The following NOL4 variants were observed in gnomAD, a reference collection of about 807,000 sequenced individuals.
The protein encoded by NOL4 is cancer/testis antigen 125.
A neutral mutation model predicts 75.9 loss-of-function variants in NOL4; 17 were observed. That is an observed-to-expected ratio of 0.22 (90% CI 0.15 to 0.34). The LOEUF (loss-of-function observed/expected upper bound fraction) is 0.34, where lower values mean the gene tolerates loss of function less well. Ranked by LOEUF, NOL4 falls within the 10% of genes least tolerant of loss-of-function variation. The probability of loss-of-function intolerance (pLI) is 1.00; values close to 1 mark genes in which losing one functional copy is unlikely to be tolerated. For synonymous variants in NOL4, 292 were observed against 289.9 expected (o/e 1.01, Z -0.07); for missense variants, 614 against 793.5 (o/e 0.77, Z 2.72).
intron 10 of NOL4, among the ~76,000 whole-genome samples, chr18:33,873,175 C>A (rs2063778221): frequency 6.6e-6 from 1 of 151,984 alleles, no homozygotes; most frequent in Non-Finnish European, 1.5e-5. Flanking sequence ...TGGGGGATTG[C>A]TTAGCTTCTG....
At chr18:34,039,456 C>A (rs1324220291) in intron 5 of NOL4, among the ~76,000 whole-genome samples, 1 of 151,988 alleles carries the variant, frequency 6.6e-6, no homozygotes, top group Non-Finnish European at 1.5e-5. Flanking sequence ...CACATTTCAG[C>A]TCTGCAGACA....
intron 8 of NOL4, among the ~76,000 whole-genome samples, chr18:33,951,694 T>G (rs1383231075): frequency 2.0e-5 from 3 of 152,292 alleles, no homozygotes; most frequent in Non-Finnish European, 4.4e-5. Context: ...GTGTTCCAGT[T>G]TACTTTCTCC....
intron 10 of NOL4, among the ~76,000 whole-genome samples, chr18:33,868,100 T>C (rs1347319251): frequency 6.6e-6 from 1 of 151,606 alleles, no homozygotes; most frequent in Non-Finnish European, 1.5e-5. Context: ...TGGAGTGACA[T>C]GATCATGACT....
At chr18:34,216,157 C>T (rs75836840) in intron 1 of NOL4, among the ~76,000 whole-genome samples, 6,359 of 152,138 alleles carry the variant, frequency 0.042, 426 homozygotes, top group African/African-American at 0.14. Context: ...AACAGGGGCA[C>T]AGTTACGCAG....
intron 9 of NOL4, among the ~76,000 whole-genome samples, chr18:33,914,114 TA>T (rs2066570391): frequency 6.6e-6 from 1 of 151,798 alleles, no homozygotes; most frequent in Non-Finnish European, 1.5e-5. Flanking sequence ...CAAAAAGAAA[TA>T]AAAAGCATGA....
chr18:34,093,708 T>A, intron 4 of NOL4, 111 bp from the exon 5 acceptor site: 1 of 799,502 alleles, frequency 1.3e-6, no homozygotes, highest in Non-Finnish European at 1.8e-6. Flanking sequence ...TTTTACAGAA[T>A]TCAGAAAAAT....
intron 1 of NOL4, among the ~76,000 whole-genome samples, chr18:34,150,620 A>T (rs967035551): frequency 1.3e-5 from 2 of 151,768 alleles, no homozygotes; most frequent in Non-Finnish European, 3.0e-5. Flanking sequence ...AAATACAAAA[A>T]ATATATACAA....
chr18:34,209,715 G>T lies in NOL4; in HGVS notation c.264+13275C>A, dbSNP rs376074679. Among the ~76,000 whole-genome samples the T allele has an allele frequency of 3.1e-4, 47 of 152,280 alleles. 1 individual carries two copies. In the South Asian group the frequency reaches 9.7e-3, roughly 32 times the overall value. Reference sequence around the variant, plus strand: ...ATTACTTAATTTATACTGAGAAATAGAACTGCTAAATAGTGCCATCATTGG... The same window carrying T: ...ATTACTTAATTTATACTGAGAAATATAACTGCTAAATAGTGCCATCATTGG... On this transcript the variant is annotated intron_variant, in intron 1 of 10. Transcript: ENST00000261592.
chr18:33,935,438 G>A (rs1035143741), intron 9 of NOL4, among the ~76,000 whole-genome samples: 1 of 152,110 alleles, frequency 6.6e-6, no homozygotes, highest in African/African-American at 2.4e-5. Flanking sequence ...GAGAGAGACA[G>A]GGTGATGGCT....
chr18:33,925,398 C>T (rs1231786570), intron 9 of NOL4, among the ~76,000 whole-genome samples: 2 of 152,062 alleles, frequency 1.3e-5, no homozygotes, highest in Non-Finnish European at 2.9e-5. Context: ...AGCTCAAATG[C>T]AGGATTCTGT....
intron 6 of NOL4, among the ~76,000 whole-genome samples, chr18:34,008,168 T>C (rs1170380650): frequency 6.6e-6 from 1 of 152,072 alleles, no homozygotes; most frequent in Non-Finnish European, 1.5e-5. Flanking sequence ...CCCTCAGATG[T>C]TGGCACTCTT....
rs1378853250 is a variant in NOL4, at chr18:33,883,391, G to T, written c.1576C>A (p.Pro526Thr). The change falls in exon 10 of 11, where the codon CCA (proline) becomes ACA (threonine). Residue 526 changes from proline to threonine, a missense_variant. By Grantham distance (38) the Pro-to-Thr change is conservative (BLOSUM62 -1). Transcript: ENST00000261592. ...GAGTAAGTGGCCTGGGTCGCCTCTG[G>T]TTTACACTGTTTGTCAGCTGGAGCA... ...ESAPADKQCKPEATQATYSTS... is the reference protein window; with the variant it reads ...ESAPADKQCKTEATQATYSTS... The T allele has an allele frequency of 2.5e-6, 4 of 1,610,722 alleles. No individual in the cohort carries two copies. Among genetic ancestry groups the T allele is most frequent in the Non-Finnish European group, 3.4e-6 (4 of 1,178,876 alleles).
intron 5 of NOL4, among the ~76,000 whole-genome samples, chr18:34,023,166 T>C (rs1270036662): frequency 1.3e-5 from 2 of 152,188 alleles, no homozygotes; most frequent in Non-Finnish European, 2.9e-5. Flanking sequence ...AAAACAATAA[T>C]GTCTCACAAC....
chr18:34,195,460 G>T (rs1296128295), intron 1 of NOL4, among the ~76,000 whole-genome samples: 1 of 151,974 alleles, frequency 6.6e-6, no homozygotes, highest in Non-Finnish European at 1.5e-5. Context: ...ATGTAGGGAA[G>T]AAAAAACAAA....
At chr18:33,982,672 C>T (rs1030384334) in intron 6 of NOL4, among the ~76,000 whole-genome samples, 1 of 149,534 alleles carries the variant, frequency 6.7e-6, no homozygotes, top group Non-Finnish European at 1.5e-5. Context: ...TCAGTAAGGA[C>T]ACAATTTAAC....
chr18:33,902,859 C>A (rs1438634546), intron 9 of NOL4, among the ~76,000 whole-genome samples: 1 of 152,208 alleles, frequency 6.6e-6, no homozygotes, highest in Admixed American at 6.6e-5. Context: ...CTTGGGCAAA[C>A]TGAAATTTAA....
rs1245808988 is a variant in NOL4, at chr18:34,076,748, C to T, written c.772+16717G>A. On this transcript the variant is annotated intron_variant, in intron 5 of 10. Coordinates refer to ENST00000261592, the MANE Select transcript of NOL4 (RefSeq NM_003787.5). ...CTACCTTCTTTTATGTAAAAGAATG[C>T]AAAATGGTAAATCATATTGAATAGC... Among the ~76,000 whole-genome samples, 22 of 152,138 alleles carry T rather than the reference C, an allele frequency of 1.4e-4. 1 individual carries two copies. Among genetic ancestry groups the T allele is most frequent in the Admixed American group, 1.4e-3 (22 of 15,264 alleles).
At chr18:33,988,346 G>C (rs2072631620) in intron 6 of NOL4, among the ~76,000 whole-genome samples, 1 of 152,042 alleles carries the variant, frequency 6.6e-6, no homozygotes, top group African/African-American at 2.4e-5. Context: ...CAAAGGTGGA[G>C]ATTTCAGTTT....
At chr18:33,857,148 A>G (rs1403132993) in intron 10 of NOL4, among the ~76,000 whole-genome samples, 4 of 152,032 alleles carry the variant, frequency 2.6e-5, no homozygotes, top group Non-Finnish European at 5.9e-5. Context: ...TACACTGCAG[A>G]TTAATTACTT....
Sources: allele counts gnomAD v4.1 joint callset (sites outside exome capture counted in the v4.1 genomes callset), GRCh38; gene constraint gnomAD v4.1.1; transcripts MANE v1.5; gene names NCBI Gene and HGNC (gene_info 2026-07-23, HGNC 2026-07-21).